OR6N1: variants seen among roughly 807,000 people sequenced by gnomAD.
OR6N1 encodes olfactory receptor family 6 subfamily N member 1.
For synonymous variants in OR6N1, 170 were observed against 150.7 expected, an observed-to-expected ratio of 1.13 and a Z score of -0.94; for missense variants, 394 against 371.7, an observed-to-expected ratio of 1.06 and a Z score of -0.49.
upstream of OR6N1, chr1:158,775,474 C>T (rs920539253): frequency 2.0e-5 from 3 of 152,078 alleles, no homozygotes; most frequent in African/African-American, 2.4e-5. Flanking sequence ...CCGTTTATAG[C>T]CTTATAAAGT....
the OR6N1 span, among the ~76,000 whole-genome samples, chr1:158,787,667 A>ACACACACACACG: frequency 6.6e-6 from 1 of 151,354 alleles, no homozygotes; most frequent in Non-Finnish European, 1.5e-5. Context: ...ACACACACAC[A>ACACACACACACG]CACATACACA....
the OR6N1 span, among the ~76,000 whole-genome samples, chr1:158,781,830 C>T: frequency 4.6e-5 from 7 of 152,192 alleles, no homozygotes; most frequent in Non-Finnish European, 1.0e-4. Context: ...ATTTGCTAAG[C>T]AACACATGTT....
intron 1 of OR6N1, 98 bp from the exon 2 acceptor site, chr1:158,766,798 C>A: frequency 1.4e-6 from 1 of 712,808 alleles, no homozygotes. Context: ...CTTCTCTCAC[C>A]TCCAGAGTAA....
chr1:158,836,961 A>G, the OR6N1 span, among the ~76,000 whole-genome samples: 7 of 151,662 alleles, frequency 4.6e-5, no homozygotes, highest in Non-Finnish European at 5.9e-5. Context: ...TTCTTTGTAC[A>G]TGTTTCATTG....
chr1:158,772,331 A>T (rs1334529784), upstream of OR6N1: 1 of 152,202 alleles, frequency 6.6e-6, no homozygotes, highest in African/African-American at 2.4e-5. Flanking sequence ...TCTCTCAGGA[A>T]GGGAACTGAC....
chr1:158,798,733 A>T, the OR6N1 span, among the ~76,000 whole-genome samples: 1 of 152,098 alleles, frequency 6.6e-6, no homozygotes, highest in South Asian at 2.1e-4. Flanking sequence ...TAATTTATAT[A>T]TATACTTATG....
chr1:158,784,336 C>A, the OR6N1 span, among the ~76,000 whole-genome samples: 1 of 152,128 alleles, frequency 6.6e-6, no homozygotes, highest in Non-Finnish European at 1.5e-5. Flanking sequence ...AGTGCGATGT[C>A]TTGATATATG....
At chr1:158,805,499 G>A in the OR6N1 span, among the ~76,000 whole-genome samples, 8 of 152,322 alleles carry the variant, frequency 5.3e-5, no homozygotes, top group South Asian at 1.7e-3. Context: ...ACCAGTCCAA[G>A]GACTTCAATT....
the OR6N1 span, among the ~76,000 whole-genome samples, chr1:158,817,064 T>C: frequency 6.6e-6 from 1 of 152,148 alleles, no homozygotes; most frequent in Admixed American, 6.6e-5. Context: ...TCTCTTAGAA[T>C]GAAGAAACAA....
chr1:158,830,311 G>GT, the OR6N1 span, among the ~76,000 whole-genome samples: 1 of 152,066 alleles, frequency 6.6e-6, no homozygotes. Context: ...GATCCTCTTG[G>GT]TTTTTTCTGA....
the OR6N1 span, among the ~76,000 whole-genome samples, chr1:158,784,726 T>C: frequency 6.6e-6 from 1 of 152,230 alleles, no homozygotes; most frequent in Non-Finnish European, 1.5e-5. Flanking sequence ...TCTCGGTTCA[T>C]TCATGTTGCC....
chr1:158,813,824 C>G, the OR6N1 span, among the ~76,000 whole-genome samples: 1 of 151,194 alleles, frequency 6.6e-6, no homozygotes, highest in African/African-American at 2.4e-5. Context: ...TATCTCAGCC[C>G]CACTGGGACT....
chr1:158,776,757 A>G (rs1657603775), upstream of OR6N1: 1 of 1,613,878 alleles, frequency 6.2e-7, no homozygotes, highest in Non-Finnish European at 8.5e-7. Flanking sequence ...TTTCCTTGTT[A>G]CGAAGACTGT....
the OR6N1 span, among the ~76,000 whole-genome samples, chr1:158,832,644 C>G: frequency 1.3e-4 from 20 of 151,576 alleles, no homozygotes; most frequent in East Asian, 5.8e-4. Context: ...AAGTTGCATA[C>G]TTTACCATTA....
the OR6N1 span, among the ~76,000 whole-genome samples, chr1:158,823,494 C>T: frequency 6.6e-6 from 1 of 152,158 alleles, no homozygotes; most frequent in East Asian, 1.9e-4. Flanking sequence ...AGTTTGTGTG[C>T]ATAAGGCTGT....
chr1:158,797,107 A>G, the OR6N1 span, among the ~76,000 whole-genome samples: 1 of 151,810 alleles, frequency 6.6e-6, no homozygotes, highest in African/African-American at 2.4e-5. Context: ...TAATTTGGCA[A>G]CTCCTTCAGC....
chr1:158,766,413 C>G lies in OR6N1; in HGVS notation c.270G>C (p.Lys90Asn), dbSNP rs145865150. Residue 90 changes from lysine (K) to asparagine (N), a missense_variant, in exon 2 of 2, where the codon AAG becomes AAC. Lys to Asn is a moderately conservative substitution (Grantham distance 94). Coordinates refer to ENST00000641846, the MANE Select transcript of OR6N1 (RefSeq NM_001005185.2). ...GGAGACACCCAGAGAATGAAATGGTCTTTTTCTCACTGAGCAAGTTTGCCA... is the reference window on the plus strand; with the variant it reads ...GGAGACACCCAGAGAATGAAATGGTGTTTTTCTCACTGAGCAAGTTTGCCA... ...KMLANLLSEKKTISFSGCLLQ... is the reference protein window; with the variant it reads ...KMLANLLSEKNTISFSGCLLQ... The G allele has an allele frequency of 1.1e-5, 17 of 1,613,976 alleles. No individual in the cohort carries two copies. In the African/African-American group the frequency reaches 2.1e-4, roughly 20 times the overall value.
At chr1:158,797,397 C>T in the OR6N1 span, among the ~76,000 whole-genome samples, 8 of 152,276 alleles carry the variant, frequency 5.3e-5, no homozygotes, top group Admixed American at 1.3e-4. Flanking sequence ...TATAAAAATC[C>T]GATTCTATCA....
Position 158,766,322 on chromosome 1 carries a change from C to T in OR6N1, c.361G>A (p.Asp121Asn), listed in dbSNP as rs145448358. The change falls in exon 2 of 2, where the codon GAT becomes AAT. Residue 121 changes from aspartate (D) to asparagine (N), a missense_variant. Asp to Asn is a conservative substitution (Grantham distance 23). Transcript: ENST00000641846. Reference sequence around the variant, plus strand: ...GGCCGGCAGATGGCTAAATACCTATCGTAGGCCATAGCTGTCAGGAGATAG... The same window carrying T: ...GGCCGGCAGATGGCTAAATACCTATTGTAGGCCATAGCTGTCAGGAGATAG... ...ECYLLTAMAY[D>N]RYLAICRPLH... 2.1e-5 allele frequency: 34 copies of T among 1,613,898 alleles called. No homozygotes were observed. The highest frequency in any genetic ancestry group is 2.5e-5 in the Non-Finnish European group (30 of 1,180,006).
Sources: allele counts gnomAD v4.1 joint callset (sites outside exome capture counted in the v4.1 genomes callset), GRCh38; gene constraint gnomAD v4.1.1; transcripts MANE v1.5; gene names NCBI Gene and HGNC (gene_info 2026-07-23, HGNC 2026-07-21).